The following ZNF423 variants were observed in gnomAD, a reference collection of about 807,000 sequenced individuals.
The protein encoded by ZNF423 is Ebf-associated zinc finger protein.
ZNF423 carries 12 observed loss-of-function variants against 95.8 expected under a neutral mutation model. The observed-to-expected ratio is 0.13, with a 90% CI of 0.08 to 0.20. The LOEUF (loss-of-function observed/expected upper bound fraction) is 0.20, where lower values mean the gene tolerates loss of function less well. ZNF423 is among the 10% of genes least tolerant of loss of function. The pLI is 1.00. For synonymous variants in ZNF423, 749 were observed against 711.9 expected (o/e 1.05, Z -0.83); for missense variants, 1,316 against 1,737.1 (o/e 0.76, Z 4.31).
At chr16:49,811,055 T>A (rs1311634969) in intron 1 of ZNF423, among the ~76,000 whole-genome samples, 1 of 152,152 alleles carries the variant, frequency 6.6e-6, no homozygotes, top group Non-Finnish European at 1.5e-5. Context: ...CTCAGAGCTG[T>A]CTTCAGGCAT....
intron 5 of ZNF423, among the ~76,000 whole-genome samples, chr16:49,562,502 G>A (rs146448672): frequency 3.9e-5 from 6 of 152,324 alleles, no homozygotes; most frequent in Admixed American, 3.9e-4. Flanking sequence ...TACTGAAGAA[G>A]CCAGGAAAGT....
rs935232327 is a variant in ZNF423, at chr16:49,730,456, C to T, written c.301+315G>A. The T allele has an allele frequency of 5.6e-5, 22 of 396,210 alleles. 1 individual carries two copies. Among genetic ancestry groups the T allele is most frequent in the South Asian group, 3.3e-4 (11 of 33,202 alleles). 24.5% of individuals were successfully genotyped at this position (396,210 alleles called of 1,614,324 possible). On this transcript the variant is annotated intron_variant, in intron 3 of 7. Coordinates refer to ENST00000563137, the MANE Select transcript of ZNF423 (RefSeq NM_001379286.1). ...TGCACTAACAACCTCTTAATTACTG[C>T]GTTTCCAAAAGGCCTTCCAGAAATT...
At chr16:49,538,960 C>T (rs1330706185) in intron 5 of ZNF423, among the ~76,000 whole-genome samples, 3 of 152,216 alleles carry the variant, frequency 2.0e-5, no homozygotes, top group Non-Finnish European at 2.9e-5. Flanking sequence ...AATTCTTTCA[C>T]TTTTCTGGTA....
At chr16:49,854,061 C>G in intron 1 of ZNF423, 2 of 985,374 alleles carry the variant, frequency 2.0e-6, no homozygotes, top group Non-Finnish European at 2.4e-6. Context: ...TACAGCCCTT[C>G]CATCAGCAAA....
chr16:49,595,870 G>A (rs913228845), intron 5 of ZNF423, among the ~76,000 whole-genome samples: 1 of 152,196 alleles, frequency 6.6e-6, no homozygotes, highest in Non-Finnish European at 1.5e-5. Flanking sequence ...AAAAACATCT[G>A]TGGAAACTGC....
At chr16:49,689,402 T>A (rs1051832395) in intron 3 of ZNF423, among the ~76,000 whole-genome samples, 1 of 151,932 alleles carries the variant, frequency 6.6e-6, no homozygotes, top group Non-Finnish European at 1.5e-5. Flanking sequence ...CAGTGGGCTA[T>A]GATGGCACCA....
intron 3 of ZNF423, among the ~76,000 whole-genome samples, chr16:49,703,044 G>A (rs1415268264): frequency 6.6e-6 from 1 of 151,976 alleles, no homozygotes; most frequent in Non-Finnish European, 1.5e-5. Context: ...GTGTTGATAC[G>A]AACACATGCA....
At chr16:49,771,952 T>C (rs1402577150) in intron 2 of ZNF423, among the ~76,000 whole-genome samples, 1 of 152,106 alleles carries the variant, frequency 6.6e-6, no homozygotes, top group Non-Finnish European at 1.5e-5. Context: ...TATGGATATA[T>C]GGAGAAGTGT....
At chr16:49,800,278 G>A (rs2034562255) in intron 1 of ZNF423, among the ~76,000 whole-genome samples, 1 of 151,682 alleles carries the variant, frequency 6.6e-6, no homozygotes, top group African/African-American at 2.4e-5. Context: ...CTGTAGAGAT[G>A]GGGTCTCACT....
chr16:49,635,631 G>A lies in ZNF423; in HGVS notation c.3516+29C>T, dbSNP rs373407114. ...CAGAGGAGCCCCAAGGAGAGGAGCA[G>A]GGAGCAGGATGAGGTGGACTGCACT... On this transcript the variant is annotated intron_variant, in intron 4 of 7. Coordinates refer to ENST00000563137, the MANE Select transcript of ZNF423 (RefSeq NM_001379286.1). The surrounding 1 kb of genome is among the most constrained non-coding windows in gnomAD (Gnocchi z 4.8). 6 of 1,518,606 alleles carry A rather than the reference G, an allele frequency of 4.0e-6. No individual in the cohort carries two copies. The highest frequency in any genetic ancestry group is 4.4e-6 in the Non-Finnish European group (5 of 1,135,792). The allele number at this position is 1,518,606 out of a possible 1,614,324, so 94.1% of individuals were successfully genotyped here. A position where few individuals can be genotyped will look rare whatever the true frequency, so the allele number is the denominator to read the frequency against.
chr16:49,614,558 G>A (rs1971816219), intron 5 of ZNF423, among the ~76,000 whole-genome samples: 2 of 152,184 alleles, frequency 1.3e-5, no homozygotes, highest in Non-Finnish European at 2.9e-5. Flanking sequence ...AGGATTATGG[G>A]TAGGAGGGAA....
At chr16:49,595,118 G>A (rs1210038525) in intron 5 of ZNF423, among the ~76,000 whole-genome samples, 2 of 152,214 alleles carry the variant, frequency 1.3e-5, no homozygotes, top group Non-Finnish European at 2.9e-5. Context: ...AAAGGCGGGA[G>A]GGCAGGGAGT....
intron 5 of ZNF423, among the ~76,000 whole-genome samples, chr16:49,582,068 A>C (rs1222657114): frequency 6.6e-6 from 1 of 152,170 alleles, no homozygotes; most frequent in East Asian, 1.9e-4. Context: ...ACACCCATGC[A>C]ACTCACCACG....
At position 49,646,574 on chromosome 16, in the gene ZNF423, C is replaced by CTTTTTT. The variant is rs71380366; in HGVS notation, c.302-7706_302-7701dup. Among the ~76,000 whole-genome samples the CTTTTTT allele has an allele frequency of 4.0e-4, 47 of 117,986 alleles. 1 individual carries two copies. Among genetic ancestry groups the CTTTTTT allele is most frequent in the African/African-American group, 1.0e-3 (34 of 33,624 alleles). The allele number at this position is 117,986 out of a possible 152,430, so 77.4% of individuals were successfully genotyped here. On this transcript the variant is annotated intron_variant, in intron 3 of 7. Coordinates refer to ENST00000563137, the MANE Select transcript of ZNF423 (RefSeq NM_001379286.1). ...TTATGGCACATTTTCTTTTCTTTTT[C>CTTTTTT]TTTTTTTTTTTTTTGAGAAGGAGTC...
At chr16:49,799,868 C>T (rs986232789) in intron 1 of ZNF423, among the ~76,000 whole-genome samples, 3 of 152,160 alleles carry the variant, frequency 2.0e-5, no homozygotes, top group African/African-American at 2.4e-5. Flanking sequence ...TGGCTCACTG[C>T]GGCCTCAAAC....
At chr16:49,634,824 C>T (rs1459174718) in intron 4 of ZNF423, among the ~76,000 whole-genome samples, 1 of 152,186 alleles carries the variant, frequency 6.6e-6, no homozygotes. Context: ...GTACCCAAGG[C>T]CTGTGTGGGC....
At chr16:49,507,825 G>A (rs1045026911) in intron 7 of ZNF423, among the ~76,000 whole-genome samples, 3 of 152,216 alleles carry the variant, frequency 2.0e-5, no homozygotes, top group South Asian at 2.1e-4. Context: ...GTGTTTCAAC[G>A]GGGTTACAAA....
intron 3 of ZNF423, among the ~76,000 whole-genome samples, chr16:49,639,470 G>A (rs7197237): frequency 0.18 from 27,246 of 152,196 alleles, 2,746 homozygotes; most frequent in Admixed American, 0.24. Context: ...ACAAGACATA[G>A]GAGGTGTGAA....
chr16:49,583,594 C>CAT (rs891193468), intron 5 of ZNF423, among the ~76,000 whole-genome samples: 57 of 152,182 alleles, frequency 3.7e-4, no homozygotes, highest in Admixed American at 1.1e-3. Flanking sequence ...TTCACACACA[C>CAT]ATATATATAT....
Sources: allele counts gnomAD v4.1 joint callset (sites outside exome capture counted in the v4.1 genomes callset), GRCh38; gene constraint gnomAD v4.1.1; non-coding constraint Gnocchi (gnomAD v3.1); transcripts MANE v1.5; gene names NCBI Gene and HGNC (gene_info 2026-07-23, HGNC 2026-07-21).